Variants in KCNAB2 observed in about 807,000 individuals in gnomAD.
KCNAB2 encodes voltage-gated potassium channel subunit beta-2.
A neutral mutation model predicts 63.6 loss-of-function variants in KCNAB2; 29 were observed. The ratio of observed to expected loss-of-function variants is 0.46; its 90% CI spans 0.34 to 0.62. The LOEUF (loss-of-function observed/expected upper bound fraction) is 0.62. KCNAB2 is among the 20% of genes least tolerant of loss of function. The pLI is 0.01. For missense variants in KCNAB2, 359 were observed against 563.9 expected (o/e 0.64, Z 3.68); for synonymous variants, 222 against 224.2 (o/e 0.99, Z 0.09).
At chr1:6,037,767 C>A (rs149382969) in intron 1 of KCNAB2, among the ~76,000 whole-genome samples, 2 of 152,208 alleles carry the variant, frequency 1.3e-5, no homozygotes, top group Non-Finnish European at 2.9e-5. Flanking sequence ...TCCAGCCCCC[C>A]AGTGCTGCAG....
intron 4 of KCNAB2, among the ~76,000 whole-genome samples, chr1:6,075,468 A>T (rs551692288): frequency 1.3e-5 from 2 of 152,394 alleles, no homozygotes; most frequent in African/African-American, 4.8e-5. Flanking sequence ...CTGGAAGGAC[A>T]GAGAATAAAA....
At chr1:6,020,302 G>A (rs527801073) in intron 1 of KCNAB2, among the ~76,000 whole-genome samples, 37 of 152,236 alleles carry the variant, frequency 2.4e-4, no homozygotes, top group African/African-American at 8.7e-4. Context: ...GAATTTTGGT[G>A]GTCCCCAGAC....
chr1:6,044,839 GACGTCAGAAGCC>G (rs1660785382), upstream of KCNAB2, among the ~76,000 whole-genome samples: 1 of 152,192 alleles, frequency 6.6e-6, no homozygotes, highest in African/African-American at 2.4e-5. Context: ...CTGAAAAAAG[GACGTCAGAAGCC>G]ACGTCCACAG....
At position 6,073,868 on chromosome 1, in the gene KCNAB2, G is replaced by A; in HGVS notation, c.300+98G>A. 1.6e-6 allele frequency: 2 copies of A among 1,260,650 alleles called. No homozygotes were observed. The highest frequency in any genetic ancestry group is 2.4e-5 in the South Asian group (2 of 83,636). The allele number at this position is 1,260,650 out of a possible 1,614,324, so 78.1% of individuals were successfully genotyped here. A position where few individuals can be genotyped will look rare whatever the true frequency, so the allele number is the denominator to read the frequency against. On this transcript the variant is annotated intron_variant, in intron 4 of 15. Coordinates refer to ENST00000378083, the MANE Select transcript of KCNAB2 (RefSeq NM_001199862.2). This position sits in a 1 kb window ranked among gnomAD's most constrained non-coding sequence, Gnocchi z 5.7. Reference sequence around the variant, plus strand: ...TGGACCAGTGAGCACGTGCTCCCGGGAGCCAGCGCAGCAGCCTCCCTCCCT... The same window carrying A: ...TGGACCAGTGAGCACGTGCTCCCGGAAGCCAGCGCAGCAGCCTCCCTCCCT...
At chr1:6,091,712 G>A (rs949065655) in intron 10 of KCNAB2, among the ~76,000 whole-genome samples, 8 of 151,916 alleles carry the variant, frequency 5.3e-5, no homozygotes, top group African/African-American at 1.7e-4. Context: ...CAAAACACGC[G>A]GCCCCCCACC....
upstream of KCNAB2, among the ~76,000 whole-genome samples, chr1:6,043,525 A>G (rs750478775): frequency 1.6e-4 from 25 of 152,300 alleles, no homozygotes; most frequent in Middle Eastern, 6.8e-3. Flanking sequence ...TCTGGTGCCC[A>G]CAGGCTCTGG....
At position 6,079,004 on chromosome 1, in the gene KCNAB2, C is replaced by T. The variant is rs184301470; in HGVS notation, c.301-3191C>T. Among the ~76,000 whole-genome samples the T allele has an allele frequency of 3.3e-4, 50 of 152,296 alleles. No individual in the cohort carries two copies. The East Asian group carries it at 7.9e-3, about 24-fold the overall frequency. ...GGTGGGCACCGTGGAGGTGGGGAGA[C>T]GGGTCAGATTCTGGACTAATTTGCA... On this transcript the variant is annotated intron_variant, in intron 4 of 15. Coordinates refer to ENST00000378083, the MANE Select transcript of KCNAB2 (RefSeq NM_001199862.2).
chr1:5,999,144 C>T (rs1048016626), intron 1 of KCNAB2, among the ~76,000 whole-genome samples: 15 of 152,350 alleles, frequency 9.8e-5, no homozygotes, highest in African/African-American at 3.1e-4. Flanking sequence ...CCGTGAACTG[C>T]GGGCTGGGGC....
At position 6,078,102 on chromosome 1, in the gene KCNAB2, C is replaced by G. The variant is rs1246998131; in HGVS notation, c.301-4093C>G. Among the ~76,000 whole-genome samples the G allele has an allele frequency of 1.3e-5, 2 of 151,826 alleles. No homozygotes were observed. The highest frequency in any genetic ancestry group is 2.9e-5 in the Non-Finnish European group (2 of 68,028). Reference sequence around the variant, plus strand: ...AGTCAGCCGGGCCGGGCTCCCTTCTCCAGGCCAGGACCCTTCCCAGCCTCT... The same window carrying G: ...AGTCAGCCGGGCCGGGCTCCCTTCTGCAGGCCAGGACCCTTCCCAGCCTCT... On this transcript the variant is annotated intron_variant, in intron 4 of 15. Transcript: ENST00000378083. The surrounding 1 kb of genome is among the most constrained non-coding windows in gnomAD (Gnocchi z 4.2).
chr1:6,028,856 A>G lies in KCNAB2; in HGVS notation c.-52-11661A>G, dbSNP rs1482092454. On this transcript the variant is annotated intron_variant, in intron 1 of 16. Coordinates refer to the KCNAB2 transcript ENST00000341524. This position sits in a 1 kb window ranked among gnomAD's most constrained non-coding sequence, Gnocchi z 4.0. ...GCAAATAGATAAGGAATACAAGGTG[A>G]TCATTCTTAAGACCTCGGGGATCTG... is the stretch of plus-strand genomic sequence containing the variant. Among the ~76,000 whole-genome samples, 1 of 152,238 alleles carries G rather than the reference A, an allele frequency of 6.6e-6. No individual in the cohort carries two copies. Among genetic ancestry groups the G allele is most frequent in the Non-Finnish European group, 1.5e-5 (1 of 68,034 alleles).
At chr1:6,051,375 T>A in intron 1 of KCNAB2, 136 bp from the exon 2 acceptor site, 6 of 1,075,922 alleles carry the variant, frequency 5.6e-6, no homozygotes, top group Admixed American at 3.3e-5. Flanking sequence ...CGGGTCCCAC[T>A]CCTAGACACC....
intron 14 of KCNAB2, 73 bp from the exon 15 acceptor site, chr1:6,097,196 C>T (rs931309876): frequency 2.1e-6 from 3 of 1,455,018 alleles, no homozygotes; most frequent in African/African-American, 1.4e-5. Flanking sequence ...TCGGCCCAGT[C>T]AGAGGCAAGG....
intron 1 of KCNAB2, among the ~76,000 whole-genome samples, chr1:6,050,523 C>G (rs1661295449): frequency 6.6e-6 from 1 of 152,236 alleles, no homozygotes; most frequent in Non-Finnish European, 1.5e-5. Flanking sequence ...TGGTTGCGTT[C>G]TGGACACACG....
intron 1 of KCNAB2, among the ~76,000 whole-genome samples, chr1:6,049,900 A>G (rs1426822802): frequency 6.6e-6 from 1 of 152,200 alleles, no homozygotes; most frequent in East Asian, 1.9e-4. Flanking sequence ...GGGCTCCTGG[A>G]GGTGGCCCCC....
At position 6,098,527 on chromosome 1, in the gene KCNAB2, A is replaced by G. The variant is rs1571120631; in HGVS notation, c.1201A>G (p.Ser401Gly). 1.2e-6 allele frequency: 2 copies of G among 1,614,038 alleles called. No individual in the cohort carries two copies. The highest frequency in any genetic ancestry group is 4.5e-5 in the East Asian group (2 of 44,872). Reference sequence around the variant, plus strand: ...ATCTTCCATTATCCACGAGATTGATAGTATTTTGGGCAATAAACCCTACAG... The same window carrying G: ...ATCTTCCATTATCCACGAGATTGATGGTATTTTGGGCAATAAACCCTACAG... ...LSSSIIHEIDSILGNKPYSKK... is the reference protein window; with the variant it reads ...LSSSIIHEIDGILGNKPYSKK... Residue 401 changes from serine to glycine, a missense_variant, in exon 16 of 16, where the codon AGT (serine) becomes GGT (glycine). Around this residue, in one of 2 missense-constraint regions of KCNAB2, gnomAD observed 271 missense variants for 476.1 expected, o/e 0.57. Coordinates refer to ENST00000378083, the MANE Select transcript of KCNAB2 (RefSeq NM_001199862.2).
intron 1 of KCNAB2, chr1:6,025,957 CCGG>C: frequency 2.8e-5 from 4 of 142,502 alleles, no homozygotes; most frequent in East Asian, 2.0e-4. Context: ...ACAGCCGATC[CCGG>C]CACACAGCCG....
chr1:6,051,828 G>A, intron 2 of KCNAB2, 74 bp downstream of exon 2: 1 of 1,442,480 alleles, frequency 6.9e-7, no homozygotes, highest in South Asian at 1.4e-5. Context: ...AAAGGGCTGG[G>A]CACGGTGGTT....
At position 6,098,772 on chromosome 1, in the gene KCNAB2, T is replaced by A; in HGVS notation, c.*198T>A. 1 of 659,650 alleles carries A rather than the reference T, an allele frequency of 1.5e-6. No individual in the cohort carries two copies. The highest frequency in any genetic ancestry group is 2.5e-6 in the Non-Finnish European group (1 of 399,226). 40.9% of individuals were successfully genotyped at this position (659,650 alleles called of 1,614,324 possible). ...TTCGCCGGACAATGTCGAAGTCCAGTCTGTGCCGGGGAAGGCACTGGTTAG... is the reference window on the plus strand; with the variant it reads ...TTCGCCGGACAATGTCGAAGTCCAGACTGTGCCGGGGAAGGCACTGGTTAG... On this transcript the variant is annotated 3_prime_UTR_variant, in exon 16 of 16. Coordinates refer to ENST00000378083, the MANE Select transcript of KCNAB2 (RefSeq NM_001199862.2).
chr1:6,053,887 C>G (rs1030092277), intron 2 of KCNAB2, among the ~76,000 whole-genome samples: 1 of 151,220 alleles, frequency 6.6e-6, no homozygotes, highest in African/African-American at 2.4e-5. Context: ...TAAATACAAT[C>G]AAAAAATTAG....
Sources: gnomAD v4.1 joint callset for allele counts (sites outside exome capture counted in the v4.1 genomes callset) on GRCh38, gnomAD v4.1.1 for gene constraint, gnomAD v4.1.1 regional missense constraint, Gnocchi (gnomAD v3.1) non-coding constraint, MANE v1.5 for transcripts, NCBI Gene and HGNC (gene_info 2026-07-23, HGNC 2026-07-21) for gene names.